The following DNASE1 variants were observed in gnomAD, a reference collection of about 807,000 sequenced individuals.
DNASE1 encodes the protein deoxyribonuclease 1.
A neutral mutation model predicts 33.9 loss-of-function variants in DNASE1; 40 were observed. The ratio of observed to expected loss-of-function variants is 1.18; its 90% confidence interval spans 0.92 to 1.54. The LOEUF is 1.54. DNASE1 is among the 40% of genes most tolerant of loss of function. The probability of loss-of-function intolerance (pLI) is 0.00; values close to 1 mark genes in which losing one functional copy is unlikely to be tolerated. For synonymous variants in DNASE1, 216 were observed against 160.0 expected (o/e 1.35, Z -2.64); for missense variants, 518 against 372.6 (o/e 1.39, Z -3.21).
downstream of DNASE1, chr16:3,662,163 A>G (rs1178449886): frequency 6.3e-7 from 1 of 1,594,720 alleles, no homozygotes; most frequent in South Asian, 1.1e-5. Flanking sequence ...TGAGGGTGAT[A>G]GAGGTTCCCA....
upstream of DNASE1, among the ~76,000 whole-genome samples, chr16:3,642,230 G>GTT (rs2042043803): frequency 1.3e-5 from 2 of 152,296 alleles, no homozygotes; most frequent in East Asian, 3.9e-4. Flanking sequence ...CTGCTATCTG[G>GTT]CAGCATCATC....
At chr16:3,617,244 T>A (rs1379823761) in intron 1 of DNASE1, among the ~76,000 whole-genome samples, 1 of 143,366 alleles carries the variant, frequency 7.0e-6, no homozygotes, top group South Asian at 2.2e-4. Flanking sequence ...GAGAATCGCT[T>A]GAACCCGGGA....
At chr16:3,631,113 C>A (rs1393797400) in intron 1 of DNASE1, among the ~76,000 whole-genome samples, 2 of 152,004 alleles carry the variant, frequency 1.3e-5, no homozygotes, top group African/African-American at 4.8e-5. Context: ...ACCTCCGCCT[C>A]CTGAGTTCAA....
chr16:3,658,474 G>T (rs551566545), downstream of DNASE1: 4 of 580,954 alleles, frequency 6.9e-6, no homozygotes, highest in African/African-American at 7.5e-5. Flanking sequence ...ACGAGGTCAG[G>T]AGATTGAGAC....
chr16:3,658,338 G>C, downstream of DNASE1: 8 of 882,866 alleles, frequency 9.1e-6, no homozygotes, highest in South Asian at 1.1e-4. Flanking sequence ...GCAGAGGCAC[G>C]ATCTCGGCTC....
intron 1 of DNASE1, among the ~76,000 whole-genome samples, chr16:3,620,921 C>A (rs62037801): frequency 0.17 from 26,018 of 151,858 alleles, 2,471 homozygotes; most frequent in African/African-American, 0.25. Flanking sequence ...CTGCCTCAGC[C>A]TCCGGAGTAG....
At chr16:3,620,046 G>C (rs957139350) in intron 1 of DNASE1, among the ~76,000 whole-genome samples, 3 of 151,704 alleles carry the variant, frequency 2.0e-5, no homozygotes, top group Admixed American at 2.0e-4. Flanking sequence ...CTCCTGAGTA[G>C]CTGGGACTAC....
intron 1 of DNASE1, 21 bp downstream of exon 1, chr16:3,655,065 C>T: frequency 1.2e-5 from 7 of 586,752 alleles, no homozygotes; most frequent in South Asian, 6.4e-5. Context: ...GGTGGAGTGC[C>T]TCTGGGTGAC....
At chr16:3,632,203 G>A (rs118161395) in intron 1 of DNASE1, among the ~76,000 whole-genome samples, 4,717 of 152,266 alleles carry the variant, frequency 0.031, 122 homozygotes, top group Non-Finnish European at 0.042. Flanking sequence ...GTTGGATGAA[G>A]TGCTCTATAG....
intron 1 of DNASE1, among the ~76,000 whole-genome samples, chr16:3,616,915 A>G (rs1449593211): frequency 1.3e-5 from 2 of 152,194 alleles, no homozygotes; most frequent in African/African-American, 4.8e-5. Flanking sequence ...GTCTTCCACA[A>G]ATGGAGCTGG....
Position 3,658,078 on chromosome 16 carries a change from AAGG to A in DNASE1, c.*129_*131del. 3 of 1,610,356 alleles carry A rather than the reference AAGG, an allele frequency of 1.9e-6. No homozygotes were observed. Among genetic ancestry groups the A allele is most frequent in the Non-Finnish European group, 2.5e-6 (3 of 1,177,310 alleles). On this transcript the variant is annotated 3_prime_UTR_variant, in exon 9 of 9. Coordinates refer to ENST00000246949, the MANE Select transcript of DNASE1 (RefSeq NM_005223.4). Reference sequence around the variant, plus strand: ...CTTTAAATTTAGGTAAATAAAGCTCAAGGAGGTGGGGCTGTCATCTGTGGTGTC... The same window carrying A: ...CTTTAAATTTAGGTAAATAAAGCTCAAGGTGGGGCTGTCATCTGTGGTGTC...
intron 2 of DNASE1, 140 bp from the exon 3 acceptor site, chr16:3,655,709 C>A: frequency 1.5e-6 from 2 of 1,376,022 alleles, no homozygotes; most frequent in Admixed American, 1.8e-5. Context: ...CCCTGGCTGG[C>A]AGCAGGAGCC....
chr16:3,633,425 G>T (rs1246244600), intron 1 of DNASE1, among the ~76,000 whole-genome samples: 1 of 152,108 alleles, frequency 6.6e-6, no homozygotes, highest in African/African-American at 2.4e-5. Context: ...TTGCTAACAT[G>T]GTGAAACCCC....
At chr16:3,649,722 C>T (rs2042275838), upstream of DNASE1, among the ~76,000 whole-genome samples, 1 of 152,196 alleles carries the variant, frequency 6.6e-6, no homozygotes, top group Non-Finnish European at 1.5e-5. Flanking sequence ...CCGGAGGAGA[C>T]AGGTTGTGTT....
exon 10 of DNASE1, chr16:3,664,617 A>G: frequency 9.2e-6 from 7 of 761,368 alleles, no homozygotes; most frequent in Non-Finnish European, 1.4e-5. Context: ...GTCCGAGAGC[A>G]GGCCTTGCTC....
At chr16:3,656,326 C>A in intron 4 of DNASE1, 141 bp downstream of exon 4, 1 of 938,166 alleles carries the variant, frequency 1.1e-6, no homozygotes, top group Non-Finnish European at 1.7e-6. Context: ...GTGAAAACAC[C>A]CCAAGGTCCC....
chr16:3,646,268 T>C (rs1306711845), intron 1 of DNASE1, among the ~76,000 whole-genome samples: 2 of 152,112 alleles, frequency 1.3e-5, no homozygotes, highest in Non-Finnish European at 2.9e-5. Context: ...GGCTTGTGGC[T>C]CAGCTGTGTC....
intron 1 of DNASE1, among the ~76,000 whole-genome samples, chr16:3,632,388 C>T (rs1034981857): frequency 1.3e-5 from 2 of 152,156 alleles, no homozygotes; most frequent in Non-Finnish European, 2.9e-5. Flanking sequence ...GATTTTGATG[C>T]TCTGTTGTTA....
chr16:3,633,258 A>G (rs1370198369), intron 1 of DNASE1, among the ~76,000 whole-genome samples: 1 of 152,048 alleles, frequency 6.6e-6, no homozygotes, highest in Non-Finnish European at 1.5e-5. Flanking sequence ...AACATTTTAT[A>G]TGATTACATT....
Sources: gnomAD v4.1 joint callset for allele counts (sites outside exome capture counted in the v4.1 genomes callset) on GRCh38, gnomAD v4.1.1 for gene constraint, MANE v1.5 for transcripts, NCBI Gene and HGNC (gene_info 2026-07-23, HGNC 2026-07-21) for gene names.